ANK3: variants seen among roughly 807,000 people sequenced by gnomAD.
ANK3 encodes the protein ankyrin-3.
Under a neutral mutation model 370.9 loss-of-function variants are expected in ANK3, and 57 were observed. That is an observed-to-expected ratio of 0.15 (90% CI 0.12 to 0.19). The LOEUF (loss-of-function observed/expected upper bound fraction) is 0.19. Among genes scored for constraint, ANK3 ranks in the 10% least tolerant of loss-of-function variants. The pLI is 1.00. For missense variants in ANK3, 4,439 were observed against 5,302.1 expected (o/e 0.84, Z 5.06); for synonymous variants, 1,929 against 1,946.3 (o/e 0.99, Z 0.23).
chr10:60,399,704 C>T (rs2063316000), intron 2 of ANK3, among the ~76,000 whole-genome samples: 1 of 152,218 alleles, frequency 6.6e-6, no homozygotes, highest in South Asian at 2.1e-4. Context: ...CACTAAACTC[C>T]GTACACTTAG....
chr10:60,648,219 C>T (rs1383374504), intron 1 of ANK3, among the ~76,000 whole-genome samples: 1 of 148,038 alleles, frequency 6.8e-6, no homozygotes, highest in Non-Finnish European at 1.5e-5. Flanking sequence ...ATGGCACCAT[C>T]TCAGCTCACT....
intron 2 of ANK3, among the ~76,000 whole-genome samples, chr10:60,484,306 A>C (rs1372421889): frequency 2.6e-5 from 4 of 152,172 alleles, no homozygotes; most frequent in African/African-American, 9.7e-5. Context: ...TTAATTAGTA[A>C]AAGACAGGCA....
chr10:60,455,277 T>C (rs942650715), intron 2 of ANK3, among the ~76,000 whole-genome samples: 1 of 152,216 alleles, frequency 6.6e-6, no homozygotes, highest in Non-Finnish European at 1.5e-5. Flanking sequence ...CAGCGCTGCA[T>C]GTTTTCTTTT....
chr10:60,388,695 T>C (rs2062774682), intron 1 of ANK3, among the ~76,000 whole-genome samples: 7 of 152,186 alleles, frequency 4.6e-5, no homozygotes, highest in Admixed American at 4.6e-4. Context: ...TAAGGAATCA[T>C]CAATGCCCAT....
intron 2 of ANK3, among the ~76,000 whole-genome samples, chr10:60,433,814 A>G (rs2064092235): frequency 6.6e-6 from 1 of 152,308 alleles, no homozygotes; most frequent in Non-Finnish European, 1.5e-5. Context: ...TCTATTTCCA[A>G]ATTCTGAGTA....
rs12245831 is a variant in ANK3, at chr10:60,519,478, T to C, written c.96+95708A>G. ...GGAGGAAGAAATCATTTTCTGCTAA[T>C]TGAACTGCAAAATACCTTGGACACA... is the stretch of plus-strand genomic sequence containing the variant. On this transcript the variant is annotated intron_variant, in intron 2 of 43. Coordinates refer to the ANK3 transcript ENST00000373827. 4.2e-3 allele frequency among the ~76,000 whole-genome samples: 638 copies of C among 152,280 alleles called. 4 individuals are homozygous for C. The highest frequency in any genetic ancestry group is 0.014 in the African/African-American group (585 of 41,574).
Position 60,498,317 on chromosome 10 carries a change from G to T in ANK3, c.96+116869C>A, listed in dbSNP as rs558676532. Reference sequence around the variant, plus strand: ...AGTTCAGTAAATATGTTGACTCTGGGTTTATTGAAGAGAATACCACAAAAC... The same window carrying T: ...AGTTCAGTAAATATGTTGACTCTGGTTTTATTGAAGAGAATACCACAAAAC... On this transcript the variant is annotated intron_variant, in intron 2 of 43. Transcript: ENST00000373827. Among the ~76,000 whole-genome samples, 4 of 152,262 alleles carry T rather than the reference G, an allele frequency of 2.6e-5. No individual in the cohort carries two copies. The South Asian group carries it at 8.3e-4, about 32-fold the overall frequency.
chr10:60,566,426 T>C (rs1482084948), intron 2 of ANK3, among the ~76,000 whole-genome samples: 1 of 152,212 alleles, frequency 6.6e-6, no homozygotes, highest in African/African-American at 2.4e-5. Context: ...GACCAAAAAC[T>C]AGGACTCTTT....
intron 1 of ANK3, among the ~76,000 whole-genome samples, chr10:60,291,865 G>T (rs1334532615): frequency 6.6e-6 from 1 of 151,808 alleles, no homozygotes; most frequent in Non-Finnish European, 1.5e-5. Flanking sequence ...GGTACAGACC[G>T]CCACGCCTGA....
intron 2 of ANK3, among the ~76,000 whole-genome samples, chr10:60,480,846 T>C (rs1274602392): frequency 1.3e-5 from 2 of 152,228 alleles, no homozygotes; most frequent in African/African-American, 4.8e-5. Flanking sequence ...TAGGTTAATT[T>C]TCCTTTGGGC....
chr10:60,189,166 G>T (rs1169119212), intron 16 of ANK3, among the ~76,000 whole-genome samples: 1 of 152,170 alleles, frequency 6.6e-6, no homozygotes, highest in Non-Finnish European at 1.5e-5. Context: ...CCACCAAAAA[G>T]AATCCTATGT....
intron 2 of ANK3, among the ~76,000 whole-genome samples, chr10:60,486,742 A>G (rs899906851): frequency 3.9e-5 from 6 of 152,202 alleles, no homozygotes; most frequent in African/African-American, 1.4e-4. Context: ...GCTAAGAAAT[A>G]AAAGTTTAAC....
intron 35 of ANK3, 124 bp downstream of exon 35, chr10:60,082,026 C>T: frequency 1.5e-6 from 1 of 650,594 alleles, no homozygotes; most frequent in South Asian, 2.6e-5. Context: ...ACCCTTTTAC[C>T]TACTTAAGAC....
At chr10:60,145,899 A>G in intron 23 of ANK3, 1 of 700,100 alleles carries the variant, frequency 1.4e-6, no homozygotes, top group Non-Finnish European at 2.6e-6. Context: ...TGTGGAATGA[A>G]TGAAAGAGCA....
In ANK3 at chr10:60,070,976, A is replaced by T. The variant is rs976049855; in HGVS notation, c.9905T>A (p.Val3302Glu). ...KYQLAEPVIRVQPPSPVPPGA... is the reference protein window; with the variant it reads ...KYQLAEPVIREQPPSPVPPGA... ...GGGAGGAACTGGTGAAGGTGGCTGC[A>T]CTCTAATGACAGGTTCAGCCAGCTG... The change falls in exon 37 of 44, where the codon GTG becomes GAG. Residue 3302 changes from valine (V) to glutamate (E), a missense_variant. Val to Glu is a moderately radical substitution (Grantham distance 121). Coordinates refer to ENST00000280772, the MANE Select transcript of ANK3 (RefSeq NM_020987.5). This position sits in a 1 kb window ranked among gnomAD's most constrained non-coding sequence, Gnocchi z 5.7. The T allele has an allele frequency of 1.2e-6, 2 of 1,613,920 alleles. No individual in the cohort carries two copies. The highest frequency in any genetic ancestry group is 1.7e-6 in the Non-Finnish European group (2 of 1,180,014).
At chr10:60,539,131 G>GT (rs2076789077) in intron 2 of ANK3, among the ~76,000 whole-genome samples, 2 of 151,270 alleles carry the variant, frequency 1.3e-5, no homozygotes. Context: ...CAGGATATGA[G>GT]TAAAAAAAAA....
intron 7 of ANK3, among the ~76,000 whole-genome samples, chr10:60,246,913 T>G (rs1243677920): frequency 1.3e-5 from 2 of 152,180 alleles, no homozygotes; most frequent in Non-Finnish European, 2.9e-5. Context: ...GGAGAAAGAC[T>G]AGGATGGAAG....
At chr10:60,327,579 G>A (rs1349395388) in intron 1 of ANK3, among the ~76,000 whole-genome samples, 2 of 152,202 alleles carry the variant, frequency 1.3e-5, no homozygotes, top group African/African-American at 4.8e-5. Context: ...TAAGGGTGAG[G>A]ATATGGGAGA....
At chr10:60,230,750 G>C (rs1042496965) in intron 8 of ANK3, among the ~76,000 whole-genome samples, 2 of 151,950 alleles carry the variant, frequency 1.3e-5, no homozygotes, top group Non-Finnish European at 1.5e-5. Flanking sequence ...TTAGCCGGGC[G>C]TGGTGGCGGG....
Sources: allele counts gnomAD v4.1 joint callset (sites outside exome capture counted in the v4.1 genomes callset), GRCh38; gene constraint gnomAD v4.1.1; non-coding constraint Gnocchi (gnomAD v3.1); transcripts MANE v1.5; gene names NCBI Gene and HGNC (gene_info 2026-07-23, HGNC 2026-07-21).